The following MAN1A1 variants were observed in gnomAD, a reference collection of about 807,000 sequenced individuals.
MAN1A1 encodes mannosyl-oligosaccharide 1,2-alpha-mannosidase IA.
Under a neutral mutation model 70.8 loss-of-function variants are expected in MAN1A1, and 29 were observed. The ratio of observed to expected loss-of-function variants is 0.41; its 90% CI spans 0.31 to 0.56. MAN1A1 has a LOEUF of 0.56. Among genes scored for constraint, MAN1A1 ranks in the 20% least tolerant of loss-of-function variants. MAN1A1 has a pLI of 0.29. For synonymous variants in MAN1A1, 349 were observed against 330.1 expected (o/e 1.06, Z -0.62); for missense variants, 747 against 841.3 (o/e 0.89, Z 1.39).
At chr6:119,297,380 A>G (rs544012729) in intron 4 of MAN1A1, among the ~76,000 whole-genome samples, 1 of 152,362 alleles carries the variant, frequency 6.6e-6, no homozygotes, top group South Asian at 2.1e-4. Context: ...CATTTAACAA[A>G]TATTTATCAA....
intron 9 of MAN1A1, among the ~76,000 whole-genome samples, chr6:119,191,890 A>C (rs1582682732): frequency 6.6e-6 from 1 of 152,216 alleles, no homozygotes; most frequent in East Asian, 1.9e-4. Context: ...CTAAAGTACA[A>C]CTTAGCAGAA....
At chr6:119,255,280 T>C (rs1562212732) in intron 5 of MAN1A1, among the ~76,000 whole-genome samples, 1 of 152,252 alleles carries the variant, frequency 6.6e-6, no homozygotes, top group Non-Finnish European at 1.5e-5. Flanking sequence ...TGTTGAAAAC[T>C]TCACCATTAA....
At chr6:119,201,860 G>C (rs948474353) in intron 7 of MAN1A1, among the ~76,000 whole-genome samples, 3 of 152,088 alleles carry the variant, frequency 2.0e-5, no homozygotes, top group East Asian at 3.9e-4. Context: ...CCTTTCTATA[G>C]GGTTATACAT....
chr6:119,319,051 G>T (rs1772930398), intron 2 of MAN1A1, among the ~76,000 whole-genome samples: 1 of 152,000 alleles, frequency 6.6e-6, no homozygotes, highest in Admixed American at 6.5e-5. Flanking sequence ...ACTGAGATAT[G>T]GATTATTTTT....
chr6:119,330,444 G>A (rs1055213873), intron 2 of MAN1A1, among the ~76,000 whole-genome samples: 13 of 152,086 alleles, frequency 8.5e-5, no homozygotes, highest in African/African-American at 2.9e-4. Context: ...CCGGTTTTAA[G>A]TATCTCAAGG....
chr6:119,278,570 T>G (rs1562222937), intron 5 of MAN1A1, among the ~76,000 whole-genome samples: 1 of 152,202 alleles, frequency 6.6e-6, no homozygotes, highest in Non-Finnish European at 1.5e-5. Context: ...AACAGCAATT[T>G]TTACATCTTA....
upstream of MAN1A1, among the ~76,000 whole-genome samples, chr6:119,349,921 G>A (rs1012414016): frequency 3.5e-4 from 53 of 152,092 alleles, no homozygotes; most frequent in African/African-American, 1.1e-3. Flanking sequence ...GGGAAGCGCA[G>A]CCTCGGCGGG....
At chr6:119,292,420 A>G (rs992203814) in intron 4 of MAN1A1, among the ~76,000 whole-genome samples, 1 of 152,022 alleles carries the variant, frequency 6.6e-6, no homozygotes, top group Non-Finnish European at 1.5e-5. Flanking sequence ...ACAAGCATTT[A>G]TTAAGCAACT....
At chr6:119,330,736 G>C (rs1210789778) in intron 2 of MAN1A1, among the ~76,000 whole-genome samples, 1 of 152,014 alleles carries the variant, frequency 6.6e-6, no homozygotes, top group Non-Finnish European at 1.5e-5. Context: ...GCTGCCCTGG[G>C]GACCTTCATA....
chr6:119,211,472 T>G, intron 6 of MAN1A1, among the ~76,000 whole-genome samples: 1 of 152,366 alleles, frequency 6.6e-6, no homozygotes, highest in East Asian at 1.9e-4. Context: ...GCTCAATACA[T>G]GCTTAATTTA....
At chr6:119,180,276 C>T (rs1269366283) in intron 12 of MAN1A1, 36 bp downstream of exon 12, 1 of 1,422,702 alleles carries the variant, frequency 7.0e-7, no homozygotes, top group Admixed American at 1.7e-5. Flanking sequence ...TGTTCAGGTA[C>T]CTTAGCCACA....
chr6:119,289,669 GA>G (rs1042656406), intron 5 of MAN1A1, among the ~76,000 whole-genome samples: 3 of 151,932 alleles, frequency 2.0e-5, no homozygotes, highest in Non-Finnish European at 4.4e-5. Flanking sequence ...TATATACTTT[GA>G]AAAGATCTAA....
intron 6 of MAN1A1, among the ~76,000 whole-genome samples, chr6:119,213,942 T>C (rs1015867176): frequency 5.3e-5 from 8 of 152,206 alleles, no homozygotes; most frequent in Non-Finnish European, 7.3e-5. Flanking sequence ...TAGATAAATA[T>C]ATTGCAAATG....
upstream of MAN1A1, chr6:119,350,547 T>C: frequency 1.0e-6 from 1 of 985,388 alleles, no homozygotes; most frequent in South Asian, 4.7e-5. Context: ...TTGGTCAAAT[T>C]TTCCATTCGA....
intron 5 of MAN1A1, among the ~76,000 whole-genome samples, chr6:119,258,295 T>C (rs911848213): frequency 2.6e-5 from 4 of 152,180 alleles, no homozygotes; most frequent in Admixed American, 2.6e-4. Context: ...GCATATACAG[T>C]TGGACCTTTG....
At chr6:119,291,045 TTGTCTCTG>T (rs1463833971) in intron 4 of MAN1A1, among the ~76,000 whole-genome samples, 2 of 152,010 alleles carry the variant, frequency 1.3e-5, no homozygotes, top group Non-Finnish European at 2.9e-5. Flanking sequence ...ATGATACGGT[TTGTCTCTG>T]TGTCCCCACC....
rs1212716649 is a variant in MAN1A1, at chr6:119,180,438, G to C, written c.1720-11C>G. 7.1e-7 allele frequency: 1 copy of C among 1,400,060 alleles called. No individual in the cohort carries two copies. The highest frequency in any genetic ancestry group is 1.0e-6 in the Non-Finnish European group (1 of 1,004,790). 86.7% of individuals were successfully genotyped at this position (1,400,060 alleles called of 1,614,324 possible). A position where few individuals can be genotyped will look rare whatever the true frequency, so the allele number is the denominator to read the frequency against. On this transcript the variant is annotated splice_polypyrimidine_tract_variant and intron_variant, in intron 11 of 12. Transcript: ENST00000368468. The stretch of plus-strand genomic sequence containing the variant: ...ATGGTTTTCCAAGGCCTAAATTATA[G>C]AGGAGGAAAAAAAAAAGTCACATTT...
chr6:119,224,104 G>C (rs1204757206), intron 6 of MAN1A1, among the ~76,000 whole-genome samples: 1 of 152,178 alleles, frequency 6.6e-6, no homozygotes, highest in African/African-American at 2.4e-5. Context: ...CCATAGAAGA[G>C]GTGGGACCAA....
At chr6:119,286,920 T>A (rs978925059) in intron 5 of MAN1A1, among the ~76,000 whole-genome samples, 1 of 152,122 alleles carries the variant, frequency 6.6e-6, no homozygotes, top group African/African-American at 2.4e-5. Flanking sequence ...GGCGAAATCT[T>A]ATTGTTGGCT....
Sources: allele counts gnomAD v4.1 joint callset (sites outside exome capture counted in the v4.1 genomes callset), GRCh38; gene constraint gnomAD v4.1.1; transcripts MANE v1.5; gene names NCBI Gene and HGNC (gene_info 2026-07-23, HGNC 2026-07-21).